MAML3: variants seen among roughly 807,000 people sequenced by gnomAD.
The protein encoded by MAML3 is mastermind-like protein 3.
A neutral mutation model predicts 101.9 loss-of-function variants in MAML3; 27 were observed. That is an observed-to-expected ratio of 0.27 (90% confidence interval 0.20 to 0.37). The LOEUF (loss-of-function observed/expected upper bound fraction) is 0.37, where lower values mean the gene tolerates loss of function less well. Ranked by LOEUF, MAML3 falls within the 10% of genes least tolerant of loss-of-function variation. MAML3 has a pLI of 1.00. For missense variants in MAML3, 1,316 were observed against 1,444.9 expected (o/e 0.91, Z 1.45); for synonymous variants, 501 against 555.9 (o/e 0.90, Z 1.39).
chr4:140,031,402 T>C (rs1230241173), intron 1 of MAML3, among the ~76,000 whole-genome samples: 2 of 152,332 alleles, frequency 1.3e-5, no homozygotes, highest in South Asian at 2.1e-4. Context: ...TTTTTTCTTA[T>C]AGACTGCTGC....
chr4:139,971,093 C>G (rs550947229), intron 1 of MAML3, among the ~76,000 whole-genome samples: 58 of 152,276 alleles, frequency 3.8e-4, no homozygotes, highest in African/African-American at 1.3e-3. Context: ...TTTCATATCC[C>G]AGTTTTCCTT....
At chr4:139,963,847 T>G (rs1167491521) in intron 1 of MAML3, among the ~76,000 whole-genome samples, 3 of 152,188 alleles carry the variant, frequency 2.0e-5, no homozygotes, top group African/African-American at 7.2e-5. Flanking sequence ...ACACAACTCT[T>G]AGAGCCTCCC....
At chr4:139,888,472 C>A in intron 2 of MAML3, 1 of 510,156 alleles carries the variant, frequency 2.0e-6, no homozygotes, top group South Asian at 1.4e-5. Flanking sequence ...CTTTAATGGG[C>A]ATTTCCCCAC....
At chr4:139,923,811 T>C (rs770080812) in intron 1 of MAML3, among the ~76,000 whole-genome samples, 2 of 152,190 alleles carry the variant, frequency 1.3e-5, no homozygotes, top group Non-Finnish European at 2.9e-5. Flanking sequence ...TGGTTACAGA[T>C]CTGCTGTTTG....
At chr4:140,091,532 CAA>C (rs1218380120) in intron 1 of MAML3, among the ~76,000 whole-genome samples, 13 of 12,108 alleles carry the variant, frequency 1.1e-3, no homozygotes, top group Admixed American at 3.3e-3. Flanking sequence ...AACAAAACAA[CAA>C]AACAAAAACA....
At chr4:139,991,372 C>T (rs1734668513) in intron 1 of MAML3, among the ~76,000 whole-genome samples, 3 of 152,066 alleles carry the variant, frequency 2.0e-5, no homozygotes, top group South Asian at 4.1e-4. Flanking sequence ...AAACTGGATC[C>T]CTTCCTTACA....
chr4:140,074,147 A>G (rs1727714598), intron 1 of MAML3, among the ~76,000 whole-genome samples: 1 of 139,662 alleles, frequency 7.2e-6, no homozygotes, highest in African/African-American at 2.6e-5. Flanking sequence ...AAAAAGAAAG[A>G]AAGAAAGAGA....
intron 2 of MAML3, among the ~76,000 whole-genome samples, chr4:139,823,407 A>G (rs1578617763): frequency 6.6e-6 from 1 of 152,154 alleles, no homozygotes. Flanking sequence ...CATACAGAGT[A>G]CCACTGGCTG....
chr4:139,824,867 C>G (rs76734690), intron 2 of MAML3, among the ~76,000 whole-genome samples: 2,079 of 152,164 alleles, frequency 0.014, 17 homozygotes, highest in Non-Finnish European at 0.022. Flanking sequence ...CCATATACCC[C>G]CTCCATCCCA....
chr4:139,854,757 G>A (rs1306257612), intron 2 of MAML3, among the ~76,000 whole-genome samples: 1 of 152,148 alleles, frequency 6.6e-6, no homozygotes, highest in East Asian at 1.9e-4. Context: ...AGTGCAGGAG[G>A]AAGGCCTGCT....
intron 1 of MAML3, among the ~76,000 whole-genome samples, chr4:139,933,082 A>G (rs999958987): frequency 6.6e-6 from 1 of 152,210 alleles, no homozygotes; most frequent in Non-Finnish European, 1.5e-5. Context: ...AAGCCAAGAA[A>G]CTAAGAAATT....
chr4:139,914,682 T>A (rs916316114), intron 1 of MAML3, among the ~76,000 whole-genome samples: 4 of 152,068 alleles, frequency 2.6e-5, no homozygotes, highest in Admixed American at 6.5e-5. Flanking sequence ...ATGAGAGAAA[T>A]TCAACGTTAA....
At chr4:140,043,579 G>T (rs182238492) in intron 1 of MAML3, among the ~76,000 whole-genome samples, 1 of 152,200 alleles carries the variant, frequency 6.6e-6, no homozygotes, top group Non-Finnish European at 1.5e-5. Context: ...AGCTACTAAA[G>T]AATTTAAAAA....
intron 1 of MAML3, among the ~76,000 whole-genome samples, chr4:139,927,673 A>G (rs1180563372): frequency 6.6e-6 from 1 of 152,168 alleles, no homozygotes; most frequent in African/African-American, 2.4e-5. Context: ...CTATTACGTT[A>G]TTCTGTGGGT....
At chr4:139,927,681 G>A (rs1275516077) in intron 1 of MAML3, among the ~76,000 whole-genome samples, 1 of 152,114 alleles carries the variant, frequency 6.6e-6, no homozygotes, top group Admixed American at 6.6e-5. Flanking sequence ...TTATTCTGTG[G>A]GTGAAAATCC....
intron 1 of MAML3, among the ~76,000 whole-genome samples, chr4:139,903,805 C>T (rs1732770483): frequency 6.6e-6 from 1 of 152,154 alleles, no homozygotes; most frequent in African/African-American, 2.4e-5. Flanking sequence ...TTCACAGTTC[C>T]AGAGGCTGGA....
At chr4:139,970,986 G>A (rs1734225216) in intron 1 of MAML3, among the ~76,000 whole-genome samples, 1 of 152,106 alleles carries the variant, frequency 6.6e-6, no homozygotes, top group African/African-American at 2.4e-5. Flanking sequence ...CAAATTTCCT[G>A]TCTCTACTGT....
chr4:140,024,691 CA>C (rs1415343475), intron 1 of MAML3, among the ~76,000 whole-genome samples: 1 of 152,108 alleles, frequency 6.6e-6, no homozygotes, highest in Admixed American at 6.5e-5. Context: ...GGAAGAAATA[CA>C]ATTTGGAGTT....
intron 1 of MAML3, among the ~76,000 whole-genome samples, chr4:140,128,588 G>A (rs957332066): frequency 1.3e-5 from 2 of 152,136 alleles, no homozygotes; most frequent in Non-Finnish European, 2.9e-5. Flanking sequence ...GGAGCTCTTG[G>A]AAAGCACTCT....
Sources: gnomAD v4.1 joint callset for allele counts (sites outside exome capture counted in the v4.1 genomes callset) on GRCh38, gnomAD v4.1.1 for gene constraint, MANE v1.5 for transcripts, NCBI Gene and HGNC (gene_info 2026-07-23, HGNC 2026-07-21) for gene names.